The following MAP4 variants were observed in gnomAD, a reference collection of about 807,000 sequenced individuals.
MAP4 encodes the protein microtubule-associated protein 4.
A neutral mutation model predicts 170.2 loss-of-function variants in MAP4; 76 were observed. The ratio of observed to expected loss-of-function variants is 0.45; its 90% confidence interval spans 0.37 to 0.54. The LOEUF (loss-of-function observed/expected upper bound fraction) is 0.54. Ranked by LOEUF, MAP4 falls within the 20% of genes least tolerant of loss-of-function variation. The pLI, the probability that MAP4 is intolerant of heterozygous loss-of-function variation, is 0.00. For missense variants in MAP4, 2,506 were observed against 2,748.0 expected, an observed-to-expected ratio of 0.91 and a Z score of 1.97; for synonymous variants, 909 against 994.5, an observed-to-expected ratio of 0.91 and a Z score of 1.62.
At chr3:47,858,956 G>A (rs1009656481) in intron 17 of MAP4, among the ~76,000 whole-genome samples, 17 of 151,960 alleles carry the variant, frequency 1.1e-4, no homozygotes, top group Admixed American at 5.2e-4. Flanking sequence ...GTGAAACCCC[G>A]TCTCTACTAA....
intron 3 of MAP4, among the ~76,000 whole-genome samples, chr3:47,976,459 G>A (rs144765424): frequency 6.6e-6 from 1 of 152,158 alleles, no homozygotes; most frequent in African/African-American, 2.4e-5. Flanking sequence ...GCCTAATCAA[G>A]TCAATCCCCT....
intron 3 of MAP4, among the ~76,000 whole-genome samples, chr3:47,943,565 CG>C (rs2100057847): frequency 6.7e-6 from 1 of 149,464 alleles, no homozygotes; most frequent in Non-Finnish European, 1.5e-5. Flanking sequence ...GCCCAGATCC[CG>C]TACTGCATTC....
chr3:47,863,727 ACAG>A (rs913898543), intron 17 of MAP4, among the ~76,000 whole-genome samples: 1 of 151,948 alleles, frequency 6.6e-6, no homozygotes, highest in Non-Finnish European at 1.5e-5. Context: ...GGGACCAGCC[ACAG>A]AAGAAGCCAC....
At chr3:47,862,346 C>CAAAAAAA (rs57751818) in intron 17 of MAP4, among the ~76,000 whole-genome samples, 13 of 52,370 alleles carry the variant, frequency 2.5e-4, no homozygotes, top group South Asian at 7.6e-4. Context: ...GACTGTGTCT[C>CAAAAAAA]AAAAAAAAAA....
rs60695684 is a variant in MAP4 at position 48,074,679 on chromosome 3, TG to T, written c.-20+14093del. 4.6e-3 allele frequency among the ~76,000 whole-genome samples: 578 copies of T among 125,428 alleles called. 28 individuals carry two copies. The highest frequency in any genetic ancestry group is 0.037 in the East Asian group (130 of 3,550). 82.3% of individuals were successfully genotyped at this position (125,428 alleles called of 152,430 possible). On this transcript the variant is annotated intron_variant, in intron 1 of 18. Coordinates refer to the MAP4 transcript ENST00000360240. ...GCAAGCCACCACATCCAGCTAATTG[TG>T]TGTGTGTGTGTGTGTGTGTGTGTGT...
In MAP4 at chr3:47,869,197, G is replaced by A; in HGVS notation, c.6408+17C>T. The A allele has an allele frequency of 2.5e-6, 4 of 1,571,844 alleles. No individual in the cohort carries two copies. Among genetic ancestry groups the A allele is most frequent in the Non-Finnish European group, 3.5e-6 (4 of 1,141,502 alleles). On this transcript the variant is annotated intron_variant, in intron 16 of 20. Coordinates refer to ENST00000683076, the MANE Select transcript of MAP4 (RefSeq NM_001385682.1). ...TACCATCTTCACCTTGCAGAGGTGG[G>A]TCTAAATAAAACTCACTTTCCCCGC...
chr3:47,892,022 G>A, intron 10 of MAP4: 1 of 1,536,278 alleles, frequency 6.5e-7, no homozygotes, highest in East Asian at 2.4e-5. Flanking sequence ...CTGGCTCTTG[G>A]TCTCTAGTCC....
chr3:47,998,641 C>T lies in MAP4; in HGVS notation c.220G>A (p.Glu74Lys). 6.2e-7 allele frequency: 1 copy of T among 1,612,906 alleles called. No homozygotes were observed. Among genetic ancestry groups the T allele is most frequent in the Non-Finnish European group, 8.5e-7 (1 of 1,178,972 alleles). ...GCAGTCTGGTTTAAATACTTACCTT[C>T]AATCTGGCTAGTTTCTGAGCACGGT... ...KKPCSETSQIEDTPSSKPTLL... is the reference protein window; with the variant it reads ...KKPCSETSQIKDTPSSKPTLL... The change falls in exon 2 of 21, where the codon GAA becomes AAA. Residue 74 changes from glutamate to lysine, a missense_variant. By Grantham distance (56) the Glu-to-Lys change is moderately conservative. Coordinates refer to ENST00000683076, the MANE Select transcript of MAP4 (RefSeq NM_001385682.1).
rs140084521 is a variant in MAP4 at position 47,869,784 on chromosome 3, A to C, written c.6295-457T>G. On this transcript the variant is annotated intron_variant, in intron 15 of 20. Transcript: ENST00000683076. ...ATGTTGAAGCAGAAAACAATTCACT[A>C]GATCAAGTCACTCAACTCCCCACCC... 1.5e-3 allele frequency among the ~76,000 whole-genome samples: 223 copies of C among 152,250 alleles called. 2 individuals are homozygous for C. The highest frequency in any genetic ancestry group is 5.1e-3 in the African/African-American group (213 of 41,560).
chr3:48,018,563 T>G (rs890300974), upstream of MAP4, among the ~76,000 whole-genome samples: 4 of 152,072 alleles, frequency 2.6e-5, no homozygotes, highest in African/African-American at 9.7e-5. Context: ...CTCAGCACTT[T>G]GGGAGGCTGA....
chr3:48,078,415 C>T (rs1236955498), intron 1 of MAP4, among the ~76,000 whole-genome samples: 1 of 151,660 alleles, frequency 6.6e-6, no homozygotes, highest in African/African-American at 2.4e-5. Flanking sequence ...CCTCAGCCTC[C>T]CAAACTGCTG....
intron 2 of MAP4, among the ~76,000 whole-genome samples, chr3:47,981,053 C>A (rs916254215): frequency 6.6e-6 from 1 of 152,126 alleles, no homozygotes; most frequent in Non-Finnish European, 1.5e-5. Context: ...CAATACTCAA[C>A]TCAACAATCA....
At chr3:47,984,003 A>AT (rs997257716) in intron 2 of MAP4, among the ~76,000 whole-genome samples, 4 of 151,546 alleles carry the variant, frequency 2.6e-5, no homozygotes, top group East Asian at 1.9e-4. Context: ...ATTAAAGGTA[A>AT]TTTTTTTTTC....
chr3:48,057,678 A>G (rs1241466481), intron 1 of MAP4, among the ~76,000 whole-genome samples: 5 of 151,504 alleles, frequency 3.3e-5, no homozygotes, highest in South Asian at 4.2e-4. Flanking sequence ...TGCGACTACC[A>G]TATGGCCTAG....
At chr3:47,918,356 G>C (rs2100040893) in intron 6 of MAP4, among the ~76,000 whole-genome samples, 2 of 151,862 alleles carry the variant, frequency 1.3e-5, no homozygotes, top group Admixed American at 1.3e-4. Flanking sequence ...CTGACCTCAA[G>C]TGATCTGCCT....
At chr3:47,951,120 TAC>T (rs1166174578) in intron 3 of MAP4, among the ~76,000 whole-genome samples, 1 of 152,218 alleles carries the variant, frequency 6.6e-6, no homozygotes, top group East Asian at 1.9e-4. Flanking sequence ...GTTTTAAAAT[TAC>T]ATTCTTTTGA....
rs184237982 is a variant in MAP4 at position 47,986,341 on chromosome 3, G to T, written c.224-8408C>A. 5.8e-3 allele frequency among the ~76,000 whole-genome samples: 877 copies of T among 151,374 alleles called. 11 individuals carry two copies. The highest frequency in any genetic ancestry group is 0.019 in the African/African-American group (800 of 41,226). ...TTGCTTTGTTTTTTGTTTTTTGGGG[G>T]GTTTTTTTGTATTTTTTTTGAGATG... On this transcript the variant is annotated intron_variant, in intron 2 of 20. Coordinates refer to ENST00000683076, the MANE Select transcript of MAP4 (RefSeq NM_001385682.1).
At chr3:48,041,745 T>C (rs138942122) in intron 1 of MAP4, among the ~76,000 whole-genome samples, 7 of 152,324 alleles carry the variant, frequency 4.6e-5, no homozygotes, top group East Asian at 1.9e-4. Context: ...AGCTTCTTTG[T>C]AGAAATTGAC....
intron 3 of MAP4, among the ~76,000 whole-genome samples, chr3:47,956,407 G>T (rs2154138924): frequency 1.3e-5 from 2 of 152,298 alleles, no homozygotes; most frequent in Non-Finnish European, 2.9e-5. Context: ...CAGCACTACA[G>T]CCCCATTTAA....
Sources: gnomAD v4.1 joint callset for allele counts (sites outside exome capture counted in the v4.1 genomes callset) on GRCh38, gnomAD v4.1.1 for gene constraint, MANE v1.5 for transcripts, NCBI Gene and HGNC (gene_info 2026-07-23, HGNC 2026-07-21) for gene names.